Variants in CSMD1 observed in about 807,000 individuals in gnomAD.
The protein encoded by CSMD1 is CUB and sushi domain-containing protein 1.
In CSMD1, 213 loss-of-function variants were observed where a neutral mutation model predicts 417.5. The observed-to-expected ratio is 0.51, with a 90% CI of 0.46 to 0.57. The LOEUF is 0.57. CSMD1 is among the 20% of genes least tolerant of loss of function. CSMD1 has a pLI of 0.00. For synonymous variants in CSMD1, 2,862 were observed against 1,736.8 expected, an observed-to-expected ratio of 1.65 and a Z score of -16.11; for missense variants, 6,923 against 4,529.7, an observed-to-expected ratio of 1.53 and a Z score of -15.17.
intron 3 of CSMD1, among the ~76,000 whole-genome samples, chr8:4,056,741 C>T (rs181094496): frequency 2.2e-4 from 34 of 151,818 alleles, no homozygotes; most frequent in South Asian, 1.0e-3. Context: ...TGTGTCCATG[C>T]GTTCTCATTG....
intron 1 of CSMD1, among the ~76,000 whole-genome samples, chr8:4,757,487 C>T (rs1811740560): frequency 6.6e-6 from 1 of 152,136 alleles, no homozygotes; most frequent in Non-Finnish European, 1.5e-5. Flanking sequence ...ATAATGAGTA[C>T]CGCAGCTAGG....
intron 3 of CSMD1, among the ~76,000 whole-genome samples, chr8:4,317,684 G>A (rs1457359942): frequency 6.6e-6 from 1 of 152,096 alleles, no homozygotes; most frequent in African/African-American, 2.4e-5. Context: ...GTTCTTTATA[G>A]ACTTAGAAGT....
chr8:3,289,222 A>G lies in CSMD1; in HGVS notation c.3951-4876T>C, dbSNP rs1016354804. Among the ~76,000 whole-genome samples the G allele has an allele frequency of 1.4e-5, 2 of 147,282 alleles. 1 individual carries two copies. The highest frequency in any genetic ancestry group is 5.4e-5 in the African/African-American group (2 of 37,022). ...GTGCCACATTTTCTTAATCCAGTCT[A>G]TCGTTGTTGGACATTTAGGTTGGTT... On this transcript the variant is annotated intron_variant, in intron 25 of 69. Coordinates refer to ENST00000635120, the MANE Select transcript of CSMD1 (RefSeq NM_033225.6).
chr8:3,580,118 A>G (rs569450571), intron 9 of CSMD1, among the ~76,000 whole-genome samples: 2 of 152,240 alleles, frequency 1.3e-5, no homozygotes, highest in African/African-American at 4.8e-5. Flanking sequence ...AGAAAAGAAA[A>G]TAAAAAGAAA....
chr8:4,089,525 T>C (rs1474176200), intron 3 of CSMD1, among the ~76,000 whole-genome samples: 1 of 152,188 alleles, frequency 6.6e-6, no homozygotes, highest in Non-Finnish European at 1.5e-5. Flanking sequence ...AAGTCTTATA[T>C]AGCATTCTGA....
At chr8:4,133,851 A>C (rs781380477) in intron 3 of CSMD1, among the ~76,000 whole-genome samples, 22 of 152,170 alleles carry the variant, frequency 1.4e-4, no homozygotes, top group Non-Finnish European at 2.8e-4. Flanking sequence ...CTTTGCAATC[A>C]GGGTTACACA....
At chr8:3,489,613 A>AC (rs1203965386) in intron 11 of CSMD1, among the ~76,000 whole-genome samples, 1 of 152,142 alleles carries the variant, frequency 6.6e-6, no homozygotes, top group East Asian at 1.9e-4. Flanking sequence ...TATAAATATG[A>AC]CCCAAGTTCC....
intron 5 of CSMD1, among the ~76,000 whole-genome samples, chr8:3,789,371 GTTTTT>G (rs796831363): frequency 9.3e-6 from 1 of 107,400 alleles, no homozygotes; most frequent in Non-Finnish European, 1.9e-5. Flanking sequence ...TATTGCTAGT[GTTTTT>G]TTTTTTAAGT....
chr8:3,764,456 C>G (rs10866957), intron 5 of CSMD1, among the ~76,000 whole-genome samples: 65 of 152,066 alleles, frequency 4.3e-4, no homozygotes, highest in Non-Finnish European at 6.8e-4. Flanking sequence ...TGAAGACATG[C>G]GTGTGAGTGA....
At chr8:3,419,886 T>C (rs910463932) in intron 12 of CSMD1, among the ~76,000 whole-genome samples, 3 of 152,200 alleles carry the variant, frequency 2.0e-5, no homozygotes, top group Non-Finnish European at 1.5e-5. Flanking sequence ...ACTCTTGGAA[T>C]AGATCCTGTT....
intron 5 of CSMD1, among the ~76,000 whole-genome samples, chr8:3,924,245 G>A (rs1004545805): frequency 2.6e-5 from 4 of 152,182 alleles, no homozygotes; most frequent in Admixed American, 1.3e-4. Context: ...AGATGCTGAT[G>A]TTCTTGTAGG....
intron 11 of CSMD1, among the ~76,000 whole-genome samples, chr8:3,474,534 A>G (rs188867674): frequency 2.6e-4 from 40 of 152,334 alleles, no homozygotes; most frequent in Admixed American, 2.6e-4. Flanking sequence ...AAGTGTGTAT[A>G]GTTCACATTT....
intron 5 of CSMD1, among the ~76,000 whole-genome samples, chr8:3,923,743 T>C (rs1360201288): frequency 6.6e-6 from 1 of 152,192 alleles, no homozygotes; most frequent in Non-Finnish European, 1.5e-5. Context: ...TGAAACTTTA[T>C]ACCCTTTGAC....
At position 3,958,943 on chromosome 8, in the gene CSMD1, G is replaced by C. The variant is rs145849099; in HGVS notation, c.818+38960C>G. 6.8e-4 allele frequency among the ~76,000 whole-genome samples: 104 copies of C among 152,218 alleles called. 1 individual carries two copies. The East Asian group carries it at 0.017, about 25-fold the overall frequency. ...CATTTGTGCAACTCACATTTTTTGAGCCCTGACCTTGGCTTAGGATCTGTG... is the reference window on the plus strand; with the variant it reads ...CATTTGTGCAACTCACATTTTTTGACCCCTGACCTTGGCTTAGGATCTGTG... On this transcript the variant is annotated intron_variant, in intron 5 of 69. Coordinates refer to ENST00000635120, the MANE Select transcript of CSMD1 (RefSeq NM_033225.6).
intron 6 of CSMD1, among the ~76,000 whole-genome samples, chr8:3,721,529 G>C (rs1052161034): frequency 2.6e-4 from 39 of 152,144 alleles, no homozygotes; most frequent in East Asian, 1.9e-4. Context: ...ATGGCACAAA[G>C]AGAAACATAT....
At chr8:3,156,244 G>A (rs929021452) in intron 39 of CSMD1, among the ~76,000 whole-genome samples, 1 of 152,122 alleles carries the variant, frequency 6.6e-6, no homozygotes, top group African/African-American at 2.4e-5. Context: ...GACATAAATG[G>A]GTTCTGAGCA....
chr8:4,109,530 C>G (rs756154324), intron 3 of CSMD1, among the ~76,000 whole-genome samples: 2 of 152,120 alleles, frequency 1.3e-5, no homozygotes, highest in African/African-American at 2.4e-5. Context: ...TCAGTAGTCA[C>G]TGAAGTTTTC....
intron 50 of CSMD1, among the ~76,000 whole-genome samples, chr8:3,040,252 C>T (rs180838924): frequency 1.3e-4 from 20 of 152,048 alleles, no homozygotes; most frequent in Middle Eastern, 3.4e-3. Context: ...GCCAAACACT[C>T]CCATCAAAAA....
chr8:2,944,841 C>G (rs1016141159), intron 68 of CSMD1, among the ~76,000 whole-genome samples: 5 of 66,004 alleles, frequency 7.6e-5, no homozygotes, highest in Non-Finnish European at 2.1e-4. Flanking sequence ...ACATTAACCA[C>G]AGTTACTTTT....
Sources: gnomAD v4.1 joint callset for allele counts (sites outside exome capture counted in the v4.1 genomes callset) on GRCh38, gnomAD v4.1.1 for gene constraint, MANE v1.5 for transcripts, NCBI Gene and HGNC (gene_info 2026-07-23, HGNC 2026-07-21) for gene names.